The following ZYG11A variants were observed in gnomAD, a reference collection of about 807,000 sequenced individuals.
The protein encoded by ZYG11A is protein zyg-11 homolog A.
Under a neutral mutation model 77.2 loss-of-function variants are expected in ZYG11A, and 62 were observed. The ratio of observed to expected loss-of-function variants is 0.80; its 90% CI spans 0.65 to 0.99. The LOEUF (loss-of-function observed/expected upper bound fraction) is 0.99. Among genes scored for constraint, ZYG11A ranks in the 50% least tolerant of loss-of-function variants. ZYG11A has a pLI of 0.00. For synonymous variants in ZYG11A, 315 were observed against 324.6 expected (o/e 0.97, Z 0.32); for missense variants, 828 against 896.8 (o/e 0.92, Z 0.98).
At chr1:52,854,385 A>G in intron 1 of ZYG11A, 80 bp from the exon 2 acceptor site, 1 of 1,283,672 alleles carries the variant, frequency 7.8e-7, no homozygotes, top group Non-Finnish European at 1.0e-6. Context: ...ATCAAGTGGA[A>G]TAGGTATGGC....
Position 52,855,078 on chromosome 1 carries a change from T to A in ZYG11A, c.256+448T>A, listed in dbSNP as rs142448586. Among the ~76,000 whole-genome samples the A allele has an allele frequency of 5.7e-3, 861 of 152,156 alleles. 8 individuals carry two copies. Among genetic ancestry groups the A allele is most frequent in the African/African-American group, 0.02 (830 of 41,522 alleles). ...GGTTTCACCACTTTGGTCAGGCTGG[T>A]CTTGAACTCCTGAGTTCAGATGATC... On this transcript the variant is annotated intron_variant, in intron 2 of 13. Transcript: ENST00000371528.
intron 4 of ZYG11A, among the ~76,000 whole-genome samples, chr1:52,861,909 G>GA (rs1266156862): frequency 2.6e-5 from 4 of 151,614 alleles, no homozygotes; most frequent in Admixed American, 6.6e-5. Flanking sequence ...TTTAGAAAAA[G>GA]AAAAAAAATT....
chr1:52,857,342 G>A lies in ZYG11A; in HGVS notation c.601G>A (p.Val201Ile), dbSNP rs1645832791. Residue 201 changes from valine (V) to isoleucine (I), a missense_variant, in exon 3 of 14, where the codon GTT (valine) becomes ATT (isoleucine). Transcript: ENST00000371528. ...TTTTCATACTGAAGACCTGGCTAATGTTTCTCAGTTACCAAGACTGGAAAG... is the reference window on the plus strand; with the variant it reads ...TTTTCATACTGAAGACCTGGCTAATATTTCTCAGTTACCAAGACTGGAAAG... Reference protein sequence around the residue: ...VCFHTEDLANVSQLPRLESLD... With the variant: ...VCFHTEDLANISQLPRLESLD... 1.3e-6 allele frequency: 2 copies of A among 1,551,686 alleles called. No homozygotes were observed. Among genetic ancestry groups the A allele is most frequent in the Admixed American group, 3.9e-5 (2 of 50,966 alleles).
At chr1:52,868,810 C>T (rs1450574157) in intron 8 of ZYG11A, among the ~76,000 whole-genome samples, 7 of 152,048 alleles carry the variant, frequency 4.6e-5, no homozygotes, top group Non-Finnish European at 8.8e-5. Context: ...CAAAAAACAA[C>T]ATTGTTTTAT....
intron 8 of ZYG11A, among the ~76,000 whole-genome samples, chr1:52,870,217 T>C: frequency 1.2e-5 from 1 of 86,114 alleles, no homozygotes; most frequent in Non-Finnish European, 3.2e-5. Flanking sequence ...CGTCACTTCC[T>C]AGATGGGATG....
At chr1:52,862,488 T>A (rs1310963162) in intron 4 of ZYG11A, among the ~76,000 whole-genome samples, 2 of 151,518 alleles carry the variant, frequency 1.3e-5, no homozygotes, top group African/African-American at 2.4e-5. Context: ...CTTTTTTGTA[T>A]TTTTTAGTAG....
At chr1:52,846,081 C>T (rs1645571671) in intron 1 of ZYG11A, among the ~76,000 whole-genome samples, 1 of 150,992 alleles carries the variant, frequency 6.6e-6, no homozygotes, top group Admixed American at 6.7e-5. Context: ...TAGAAAATAC[C>T]ATGTTCTCTT....
chr1:52,869,060 C>T (rs1283069985), intron 8 of ZYG11A, among the ~76,000 whole-genome samples: 3 of 152,116 alleles, frequency 2.0e-5, no homozygotes, highest in African/African-American at 7.2e-5. Context: ...GTCTCCTGAC[C>T]TTGTGATCCA....
Position 52,893,919 on chromosome 1 carries a change from C to G in ZYG11A, c.*962C>G, listed in dbSNP as rs1024337685. The G allele has an allele frequency of 7.1e-6, 1 of 139,970 alleles. No homozygotes were observed. Among genetic ancestry groups the G allele is most frequent in the Admixed American group, 7.5e-5 (1 of 13,304 alleles). 8.7% of individuals were successfully genotyped at this position (139,970 alleles called of 1,614,324 possible). ...CTCTGCCTCCCAGGTTCCAGCAATT[C>G]TCCTGCCTCAGCCTCCTGAGTAGCT... On this transcript the variant is annotated 3_prime_UTR_variant, in exon 14 of 14. Transcript: ENST00000371528.
intron 13 of ZYG11A, among the ~76,000 whole-genome samples, chr1:52,889,104 TTTTA>T (rs1646497021): frequency 6.6e-6 from 1 of 152,092 alleles, no homozygotes; most frequent in Non-Finnish European, 1.5e-5. Context: ...AAGCATCTTA[TTTTA>T]TTTTATTTTT....
chr1:52,877,653 A>G, intron 8 of ZYG11A, 29 bp from the exon 9 acceptor site: 1 of 1,532,026 alleles, frequency 6.5e-7, no homozygotes, highest in Non-Finnish European at 8.8e-7. Flanking sequence ...TAGAGCATCT[A>G]ACTCCCTCCC....
intron 2 of ZYG11A, 122 bp from the exon 3 acceptor site, chr1:52,856,876 C>A: frequency 9.7e-7 from 1 of 1,028,072 alleles, no homozygotes; most frequent in Non-Finnish European, 1.4e-6. Flanking sequence ...AATGCTAGCA[C>A]AGAGCAGTAA....
In ZYG11A at chr1:52,842,800, G is replaced by A; in HGVS notation, c.-84G>A. 1.5e-6 allele frequency: 2 copies of A among 1,353,758 alleles called. No individual in the cohort carries two copies. The highest frequency in any genetic ancestry group is 2.0e-6 in the Non-Finnish European group (2 of 993,520). 83.9% of individuals were successfully genotyped at this position (1,353,758 alleles called of 1,614,324 possible). A position where few individuals can be genotyped will look rare whatever the true frequency, so the allele number is the denominator to read the frequency against. On this transcript the variant is annotated 5_prime_UTR_variant, in exon 1 of 14. Coordinates refer to ENST00000371528, the MANE Select transcript of ZYG11A (RefSeq NM_001004339.3). ...CTCGCAGGCGTGGTGGGCGCGTCCT[G>A]GCAGCCGCCCGCTTGGTTCTCGCGG...
At position 52,857,703 on chromosome 1, in the gene ZYG11A, C is replaced by G; in HGVS notation, c.962C>G (p.Thr321Arg). 1 of 1,551,760 alleles carries G rather than the reference C, an allele frequency of 6.4e-7. No homozygotes were observed. Among genetic ancestry groups the G allele is most frequent in the Non-Finnish European group, 8.7e-7 (1 of 1,146,928 alleles). ...PAMQFVGLLA[T>R]DAGSSDFFTT... The stretch of plus-strand genomic sequence containing the variant: ...ATGCAATTTGTGGGACTATTGGCCA[C>G]GGATGCTGGCTCTTCTGACTTCTTT... Residue 321 changes from threonine to arginine, a missense_variant, in exon 3 of 14, where the codon ACG becomes AGG. Physicochemically the swap from Thr to Arg is moderately conservative, Grantham distance 71 (BLOSUM62 -1). Transcript: ENST00000371528.
intron 8 of ZYG11A, among the ~76,000 whole-genome samples, chr1:52,874,444 G>C (rs1464370653): frequency 6.6e-6 from 1 of 151,874 alleles, no homozygotes; most frequent in Non-Finnish European, 1.5e-5. Flanking sequence ...TAGAGACAGA[G>C]TCTAGCCGTG....
Position 52,842,831 on chromosome 1 carries a change from G to GGGCTCC in ZYG11A, c.-47_-42dup. 1 of 1,502,754 alleles carries GGGCTCC rather than the reference G, an allele frequency of 6.7e-7. No homozygotes were observed. The allele number at this position is 1,502,754 out of a possible 1,614,324, so 93.1% of individuals were successfully genotyped here. ...CGCCCGCTTGGTTCTCGCGGGATCC[G>GGGCTCC]GGCTCCGGCTCGACGCCGGCTCTCT... On this transcript the variant is annotated 5_prime_UTR_variant, in exon 1 of 14. Coordinates refer to ENST00000371528, the MANE Select transcript of ZYG11A (RefSeq NM_001004339.3).
chr1:52,865,154 G>T (rs1646001930), intron 5 of ZYG11A, among the ~76,000 whole-genome samples: 1 of 151,706 alleles, frequency 6.6e-6, no homozygotes, highest in Non-Finnish European at 1.5e-5. Context: ...GTTGGCCAGG[G>T]TGGTCTCGAA....
At position 52,857,302 on chromosome 1, in the gene ZYG11A, T is replaced by G; in HGVS notation, c.561T>G (p.Ser187Arg). The part of the protein sequence containing the change: ...FSQLTGLRIL[S>R]VFNVCFHTED... ...AGCTCACTGGTCTTCGCATTTTAAGTGTTTTTAATGTTTGTTTTCATACTG... is the reference window on the plus strand; with the variant it reads ...AGCTCACTGGTCTTCGCATTTTAAGGGTTTTTAATGTTTGTTTTCATACTG... The change falls in exon 3 of 14, where the codon AGT (serine) becomes AGG (arginine). Residue 187 changes from serine to arginine, a missense_variant. Coordinates refer to ENST00000371528, the MANE Select transcript of ZYG11A (RefSeq NM_001004339.3). The G allele has an allele frequency of 1.9e-6, 3 of 1,551,954 alleles. No homozygotes were observed. The highest frequency in any genetic ancestry group is 2.6e-6 in the Non-Finnish European group (3 of 1,147,066).
At chr1:52,879,926 C>A (rs1161374042) in intron 10 of ZYG11A, among the ~76,000 whole-genome samples, 2 of 151,716 alleles carry the variant, frequency 1.3e-5, no homozygotes, top group Admixed American at 1.3e-4. Context: ...CCACGCCCAG[C>A]TAATTTTTGT....
Sources: gnomAD v4.1 joint callset for allele counts (sites outside exome capture counted in the v4.1 genomes callset) on GRCh38, gnomAD v4.1.1 for gene constraint, MANE v1.5 for transcripts, NCBI Gene and HGNC (gene_info 2026-07-23, HGNC 2026-07-21) for gene names.